MVB12B: variants seen among roughly 807,000 people sequenced by gnomAD.
MVB12B encodes ESCRT-I complex subunit MVB12B.
MVB12B carries 16 observed loss-of-function variants against 41.6 expected under a neutral mutation model. That is an observed-to-expected ratio of 0.38 (90% CI 0.26 to 0.58). MVB12B has a LOEUF of 0.58. MVB12B is among the 20% of genes least tolerant of loss of function. The pLI, the probability that MVB12B is intolerant of heterozygous loss-of-function variation, is 0.62. For synonymous variants in MVB12B, 133 were observed against 139.7 expected (o/e 0.95, Z 0.34); for missense variants, 274 against 380.2 (o/e 0.72, Z 2.32).
intron 9 of MVB12B, among the ~76,000 whole-genome samples, chr9:126,496,058 C>G (rs1833821651): frequency 6.6e-6 from 1 of 152,134 alleles, no homozygotes; most frequent in Non-Finnish European, 1.5e-5. Context: ...GCTGCTGCTA[C>G]AAGGACTAGA....
At chr9:126,431,320 T>A (rs986431893) in intron 7 of MVB12B, among the ~76,000 whole-genome samples, 5 of 152,128 alleles carry the variant, frequency 3.3e-5, no homozygotes, top group Admixed American at 6.5e-5. Flanking sequence ...GATCCCTTTC[T>A]CAAGAAGGTG....
intron 7 of MVB12B, chr9:126,481,049 C>T (rs1003759680): frequency 3.0e-5 from 10 of 336,522 alleles, no homozygotes; most frequent in South Asian, 2.0e-4. Context: ...GTGACTCTCC[C>T]GTTACAGATC....
At chr9:126,409,119 G>C (rs374326059) in intron 6 of MVB12B, among the ~76,000 whole-genome samples, 2 of 152,120 alleles carry the variant, frequency 1.3e-5, no homozygotes, top group African/African-American at 4.8e-5. Context: ...CCATTGTGGG[G>C]GGGGGCTCAG....
At chr9:126,425,942 TG>T (rs1226821065) in intron 7 of MVB12B, among the ~76,000 whole-genome samples, 1 of 152,254 alleles carries the variant, frequency 6.6e-6, no homozygotes. Context: ...GCCTGTTTTG[TG>T]TGACATGCAA....
At chr9:126,469,494 C>T (rs940084522) in intron 7 of MVB12B, among the ~76,000 whole-genome samples, 2 of 152,254 alleles carry the variant, frequency 1.3e-5, no homozygotes, top group African/African-American at 4.8e-5. Flanking sequence ...CTGAGGTTCC[C>T]TGCTCCACAA....
At chr9:126,429,067 A>G (rs1409664533) in intron 7 of MVB12B, among the ~76,000 whole-genome samples, 3 of 152,336 alleles carry the variant, frequency 2.0e-5, no homozygotes, top group South Asian at 4.1e-4. Flanking sequence ...AGCCACTGAT[A>G]ATAGCATATG....
chr9:126,348,703 G>A (rs1829665261), intron 2 of MVB12B, among the ~76,000 whole-genome samples: 1 of 152,136 alleles, frequency 6.6e-6, no homozygotes, highest in Non-Finnish European at 1.5e-5. Flanking sequence ...GAAAAAAGAC[G>A]AGGCGCTTGC....
intron 6 of MVB12B, among the ~76,000 whole-genome samples, chr9:126,419,184 C>T (rs1409989544): frequency 6.6e-6 from 1 of 152,166 alleles, no homozygotes; most frequent in African/African-American, 2.4e-5. Flanking sequence ...CGCTCTGCAT[C>T]CTTAGTTAGG....
Position 126,367,654 on chromosome 9 carries a change from C to G in MVB12B, c.205-13410C>G, listed in dbSNP as rs1427487108. 1.3e-5 allele frequency among the ~76,000 whole-genome samples: 2 copies of G among 152,230 alleles called. No homozygotes were observed. The highest frequency in any genetic ancestry group is 1.5e-5 in the Non-Finnish European group (1 of 68,044). ...ACGGAGGTGATTCTGTCTTACACTT[C>G]TGATGACACCAAATATCCATACTGT... On this transcript the variant is annotated intron_variant, in intron 2 of 9. Transcript: ENST00000361171. The surrounding 1 kb of genome is among the most constrained non-coding windows in gnomAD (Gnocchi z 4.3).
intron 6 of MVB12B, among the ~76,000 whole-genome samples, chr9:126,400,707 C>T (rs1361709013): frequency 6.6e-6 from 1 of 152,206 alleles, no homozygotes; most frequent in Non-Finnish European, 1.5e-5. Context: ...TGCCTTCCTC[C>T]ACTCACCAGT....
intron 7 of MVB12B, among the ~76,000 whole-genome samples, chr9:126,443,694 T>C (rs1437446813): frequency 6.6e-6 from 1 of 152,254 alleles, no homozygotes. Context: ...TAATTGTCCA[T>C]TCTGGGTTCT....
rs1250117411 is a variant in MVB12B, at chr9:126,459,235, C to T, written c.758-22134C>T. Reference sequence around the variant, plus strand: ...GTCGTAAACTCAGAGTGTCACGAGCCTGGCCTGCTGAGTGGTGCCAGTGCA... The same window carrying T: ...GTCGTAAACTCAGAGTGTCACGAGCTTGGCCTGCTGAGTGGTGCCAGTGCA... On this transcript the variant is annotated intron_variant, in intron 7 of 9. Coordinates refer to ENST00000361171, the MANE Select transcript of MVB12B (RefSeq NM_033446.3). The surrounding 1 kb of genome is among the most constrained non-coding windows in gnomAD (Gnocchi z 4.3). 6.6e-6 allele frequency among the ~76,000 whole-genome samples: 1 copy of T among 152,236 alleles called. No homozygotes were observed. The highest frequency in any genetic ancestry group is 1.9e-4 in the East Asian group (1 of 5,190).
At position 126,395,331 on chromosome 9, in the gene MVB12B, GC is replaced by G. The variant is rs1259941797; in HGVS notation, c.540-243del. 2.0e-5 allele frequency among the ~76,000 whole-genome samples: 3 copies of G among 152,212 alleles called. No individual in the cohort carries two copies. Among genetic ancestry groups the G allele is most frequent in the Admixed American group, 2.0e-4 (3 of 15,290 alleles). ...AGTACCAGTTGGAGTAGGAAGGCAA[GC>G]TTGGGAAGGGTGATGCAGGCGGCCT... On this transcript the variant is annotated intron_variant, in intron 5 of 9. Coordinates refer to ENST00000361171, the MANE Select transcript of MVB12B (RefSeq NM_033446.3). This position sits in a 1 kb window ranked among gnomAD's most constrained non-coding sequence, Gnocchi z 4.9.
intron 3 of MVB12B, among the ~76,000 whole-genome samples, chr9:126,385,166 C>G (rs879360753): frequency 6.6e-6 from 1 of 152,030 alleles, no homozygotes; most frequent in Non-Finnish European, 1.5e-5. Context: ...CTGAGTGGCC[C>G]GGTTGAAAAA....
At chr9:126,377,932 C>T (rs1032702806) in intron 2 of MVB12B, among the ~76,000 whole-genome samples, 6 of 152,208 alleles carry the variant, frequency 3.9e-5, no homozygotes, top group Admixed American at 1.3e-4. Context: ...TTGGAGTGCT[C>T]ATGCACTAAG....
intron 9 of MVB12B, 50 bp downstream of exon 9, chr9:126,484,082 A>G: frequency 1.3e-6 from 2 of 1,548,832 alleles, no homozygotes; most frequent in Non-Finnish European, 1.8e-6. Context: ...CATCGCCTGC[A>G]CACCGGCGTC....
intron 4 of MVB12B, among the ~76,000 whole-genome samples, chr9:126,390,293 C>T (rs1042177034): frequency 6.6e-6 from 1 of 152,226 alleles, no homozygotes; most frequent in Admixed American, 6.5e-5. Context: ...GTGCATCCAA[C>T]CCACATCCCT....
chr9:126,390,014 G>C (rs912395741), intron 4 of MVB12B, among the ~76,000 whole-genome samples: 1 of 151,764 alleles, frequency 6.6e-6, no homozygotes, highest in Non-Finnish European at 1.5e-5. Flanking sequence ...TGATTTTCTT[G>C]TCCCCCTCCC....
chr9:126,395,879 T>G lies in MVB12B; in HGVS notation c.662+182T>G, dbSNP rs188608881. 2.2e-3 allele frequency: 3,101 copies of G among 1,420,800 alleles called. 2 individuals carry two copies. Among genetic ancestry groups the G allele is most frequent in the Admixed American group, 2.7e-3 (89 of 33,030 alleles). 88.0% of individuals were successfully genotyped at this position (1,420,800 alleles called of 1,614,324 possible). Reference sequence around the variant, plus strand: ...CTTGGAAATCTTTGCATTACATGAATGCAAAGGCCATTCTATAGTCTATTT... The same window carrying G: ...CTTGGAAATCTTTGCATTACATGAAGGCAAAGGCCATTCTATAGTCTATTT... On this transcript the variant is annotated intron_variant, in intron 6 of 9. Transcript: ENST00000361171. This position sits in a 1 kb window ranked among gnomAD's most constrained non-coding sequence, Gnocchi z 4.9.
Sources: allele counts gnomAD v4.1 joint callset (sites outside exome capture counted in the v4.1 genomes callset), GRCh38; gene constraint gnomAD v4.1.1; non-coding constraint Gnocchi (gnomAD v3.1); transcripts MANE v1.5; gene names NCBI Gene and HGNC (gene_info 2026-07-23, HGNC 2026-07-21).